Variants in HOMER1 observed in about 807,000 individuals in gnomAD.
HOMER1 encodes homer scaffold protein 1.
In HOMER1, 3 loss-of-function variants were observed where a neutral mutation model predicts 48.9. The ratio of observed to expected loss-of-function variants is 0.06; its 90% CI spans 0.03 to 0.16. HOMER1 has a LOEUF of 0.16. Ranked by LOEUF, HOMER1 falls within the 10% of genes least tolerant of loss-of-function variation. The probability of loss-of-function intolerance (pLI) is 1.00; values close to 1 mark genes in which losing one functional copy is unlikely to be tolerated. For synonymous variants in HOMER1, 134 were observed against 146.4 expected, an observed-to-expected ratio of 0.92 and a Z score of 0.61; for missense variants, 247 against 411.4, an observed-to-expected ratio of 0.60 and a Z score of 3.46.
intron 5 of HOMER1, among the ~76,000 whole-genome samples, chr5:79,413,505 T>A (rs1749862753): frequency 1.3e-5 from 2 of 152,078 alleles, no homozygotes; most frequent in South Asian, 4.2e-4. Context: ...TGCATAGTAG[T>A]GAAGTCTGGG....
At chr5:79,489,000 C>T (rs1034813781) in intron 1 of HOMER1, among the ~76,000 whole-genome samples, 4 of 152,130 alleles carry the variant, frequency 2.6e-5, no homozygotes, top group African/African-American at 9.7e-5. Flanking sequence ...TCTATGAGAA[C>T]ATGTTTAATA....
rs1748746327 is a variant in HOMER1 at position 79,375,485 on chromosome 5, T to C, written c.*524A>G. 2 of 152,144 alleles carry C rather than the reference T, an allele frequency of 1.3e-5. No homozygotes were observed. Among genetic ancestry groups the C allele is most frequent in the Non-Finnish European group, 2.9e-5 (2 of 67,986 alleles). 9.4% of individuals were successfully genotyped at this position (152,144 alleles called of 1,614,324 possible). A position where few individuals can be genotyped will look rare whatever the true frequency, so the allele number is the denominator to read the frequency against. ...TAAAGATACAGCTCTCTCTCACTCC[T>C]GGCAAGAATTAATTGGTAATGGCAC... On this transcript the variant is annotated 3_prime_UTR_variant, in exon 9 of 9. Coordinates refer to ENST00000334082, the MANE Select transcript of HOMER1 (RefSeq NM_004272.5).
intron 1 of HOMER1, among the ~76,000 whole-genome samples, chr5:79,502,799 T>TTG (rs1233212144): frequency 2.0e-5 from 3 of 152,124 alleles, no homozygotes; most frequent in South Asian, 2.1e-4. Context: ...TGTAACTTTT[T>TTG]TGTGTGTGTG....
At chr5:79,420,308 A>T (rs919674164) in intron 5 of HOMER1, among the ~76,000 whole-genome samples, 10 of 152,150 alleles carry the variant, frequency 6.6e-5, no homozygotes, top group African/African-American at 1.2e-4. Context: ...AGTTGTCACT[A>T]CCACGACCTC....
intron 1 of HOMER1, among the ~76,000 whole-genome samples, chr5:79,464,599 A>G (rs76506452): frequency 0.028 from 4,247 of 152,282 alleles, 194 homozygotes; most frequent in African/African-American, 0.097. Flanking sequence ...GTACAACTTA[A>G]TAATATAAAT....
chr5:79,480,115 GAAGTAAA>G (rs1299338154), intron 1 of HOMER1, among the ~76,000 whole-genome samples: 1 of 151,184 alleles, frequency 6.6e-6, no homozygotes, highest in Non-Finnish European at 1.5e-5. Flanking sequence ...CACTGTTTCA[GAAGTAAA>G]AAGAATAAAA....
intron 4 of HOMER1, among the ~76,000 whole-genome samples, chr5:79,446,741 G>A (rs1007881243): frequency 1.0e-4 from 15 of 150,506 alleles, no homozygotes; most frequent in South Asian, 2.1e-4. Flanking sequence ...CCAGTCAAGT[G>A]ATCCTCCTAC....
chr5:79,435,356 T>G (rs1315904472), intron 5 of HOMER1, among the ~76,000 whole-genome samples: 1 of 152,194 alleles, frequency 6.6e-6, no homozygotes, highest in Non-Finnish European at 1.5e-5. Flanking sequence ...AGTCAACTCT[T>G]AACTAATCTG....
chr5:79,510,781 G>A (rs1056056648), intron 1 of HOMER1: 7 of 756,654 alleles, frequency 9.3e-6, no homozygotes, highest in Non-Finnish European at 1.7e-5. Context: ...GGGGCTCAGG[G>A]TGTGCTGGCC....
chr5:79,504,026 A>G (rs1210763934), intron 1 of HOMER1, among the ~76,000 whole-genome samples: 1 of 152,248 alleles, frequency 6.6e-6, no homozygotes, highest in Non-Finnish European at 1.5e-5. Context: ...CTATACTAAC[A>G]TATGCATAGC....
intron 5 of HOMER1, among the ~76,000 whole-genome samples, chr5:79,434,179 T>C (rs1750508023): frequency 6.6e-6 from 1 of 152,118 alleles, no homozygotes; most frequent in Non-Finnish European, 1.5e-5. Flanking sequence ...AACAATTATT[T>C]ATCTATATTG....
intron 1 of HOMER1, chr5:79,510,303 T>G: frequency 2.6e-6 from 1 of 385,012 alleles, no homozygotes; most frequent in South Asian, 2.3e-5. Flanking sequence ...AAATTAATTA[T>G]GCTAAGTGTC....
In HOMER1 at chr5:79,450,978, G is replaced by T. The variant is rs781275819; in HGVS notation, c.294+12C>A. ...ATGAAGATTTTCATTCAAATTTTAT[G>T]ATTTAACTCACTTTCGAAAGATGAT... On this transcript the variant is annotated intron_variant, in intron 3 of 8. Transcript: ENST00000334082. 1.4e-5 allele frequency: 23 copies of T among 1,610,066 alleles called. No individual in the cohort carries two copies. The highest frequency in any genetic ancestry group is 2.0e-5 in the Non-Finnish European group (23 of 1,177,210).
chr5:79,399,453 T>C (rs1489783730), intron 6 of HOMER1, among the ~76,000 whole-genome samples: 1 of 152,178 alleles, frequency 6.6e-6, no homozygotes. Context: ...GTTCTGCTAG[T>C]CCCTGCTAAA....
At chr5:79,400,182 C>G (rs1053538669) in intron 6 of HOMER1, among the ~76,000 whole-genome samples, 1 of 151,968 alleles carries the variant, frequency 6.6e-6, no homozygotes, top group Non-Finnish European at 1.5e-5. Flanking sequence ...ATTCACATTG[C>G]TGTGAAACAG....
At position 79,465,584 on chromosome 5, in the gene HOMER1, C is replaced by CTTTTTTTTTTTTTTTTT. The variant is rs10666507; in HGVS notation, c.6-8583_6-8567dup. On this transcript the variant is annotated intron_variant, in intron 1 of 8. Coordinates refer to ENST00000334082, the MANE Select transcript of HOMER1 (RefSeq NM_004272.5). ...AGTAACAGTACTGTTTACATTTCTTCTTTTTTTTTTTTTTTTTTTTTTTTT... is the reference window on the plus strand; with the variant it reads ...AGTAACAGTACTGTTTACATTTCTTCTTTTTTTTTTTTTTTTTTTTTTTTTTTTTTTTTTTTTTTTTT... Among the ~76,000 whole-genome samples, 32 of 77,904 alleles carry CTTTTTTTTTTTTTTTTT rather than the reference C, an allele frequency of 4.1e-4. 6 individuals are homozygous for CTTTTTTTTTTTTTTTTT. Among genetic ancestry groups the CTTTTTTTTTTTTTTTTT allele is most frequent in the African/African-American group, 1.9e-3 (31 of 16,492 alleles). The allele number at this position is 77,904 out of a possible 152,430, so 51.1% of individuals were successfully genotyped here. A position where few individuals can be genotyped will look rare whatever the true frequency, so the allele number is the denominator to read the frequency against.
At chr5:79,384,109 A>AT (rs971824387) in intron 8 of HOMER1, among the ~76,000 whole-genome samples, 1 of 124,454 alleles carries the variant, frequency 8.0e-6, no homozygotes, top group African/African-American at 3.8e-5. Context: ...CTAGAAAAGC[A>AT]AAAAAAAAAA....
intron 1 of HOMER1, among the ~76,000 whole-genome samples, chr5:79,464,202 G>A: frequency 6.6e-6 from 1 of 152,162 alleles, no homozygotes. Context: ...ATTTTAACAG[G>A]TTGGAACTCA....
At chr5:79,403,547 G>T (rs368747693) in intron 5 of HOMER1, among the ~76,000 whole-genome samples, 1 of 152,250 alleles carries the variant, frequency 6.6e-6, no homozygotes, top group South Asian at 2.1e-4. Flanking sequence ...GGGACAATCT[G>T]TAAAATAACT....
Sources: gnomAD v4.1 joint callset for allele counts (sites outside exome capture counted in the v4.1 genomes callset) on GRCh38, gnomAD v4.1.1 for gene constraint, MANE v1.5 for transcripts, NCBI Gene and HGNC (gene_info 2026-07-23, HGNC 2026-07-21) for gene names.